SOX5: variants seen among roughly 807,000 people sequenced by gnomAD.
SOX5 encodes transcription factor SOX-5.
Under a neutral mutation model 92.0 loss-of-function variants are expected in SOX5, and 9 were observed. That is an observed-to-expected ratio of 0.10 (90% CI 0.06 to 0.17). The LOEUF is 0.17. SOX5 is among the 10% of genes least tolerant of loss of function. The pLI is 1.00. For missense variants in SOX5, 642 were observed against 944.5 expected, an observed-to-expected ratio of 0.68 and a Z score of 4.20; for synonymous variants, 344 against 336.3, an observed-to-expected ratio of 1.02 and a Z score of -0.25.
chr12:24,105,275 T>C (rs1946545043), intron 4 of SOX5, among the ~76,000 whole-genome samples: 1 of 152,116 alleles, frequency 6.6e-6, no homozygotes, highest in African/African-American at 2.4e-5. Context: ...GCACGGTGGC[T>C]CACGCCTGTA....
chr12:24,174,929 G>C (rs1275898060), intron 4 of SOX5, among the ~76,000 whole-genome samples: 1 of 152,270 alleles, frequency 6.6e-6, no homozygotes, highest in South Asian at 2.1e-4. Flanking sequence ...AAACAGGAAG[G>C]GGGTACCTTG....
intron 1 of SOX5, among the ~76,000 whole-genome samples, chr12:24,547,261 GGCTCAATGCAAGCTCC>G (rs1248065479): frequency 2.0e-5 from 3 of 146,566 alleles, no homozygotes; most frequent in African/African-American, 7.6e-5. Context: ...GCGCAATCTC[GGCTCAATGCAAGCTCC>G]GCTTCCCGGG....
chr12:23,637,501 A>G (rs2079418121), intron 8 of SOX5, among the ~76,000 whole-genome samples: 1 of 151,894 alleles, frequency 6.6e-6, no homozygotes, highest in Non-Finnish European at 1.5e-5. Flanking sequence ...ACTGTCTCAC[A>G]CCTCTCTCTC....
chr12:23,750,301 C>T (rs576350316), intron 4 of SOX5, among the ~76,000 whole-genome samples: 19 of 151,916 alleles, frequency 1.3e-4, no homozygotes, highest in South Asian at 6.2e-4. Flanking sequence ...AAGATGTTTA[C>T]GCAGTGCCTG....
intron 4 of SOX5, among the ~76,000 whole-genome samples, chr12:24,185,572 G>C (rs1565611559): frequency 6.6e-6 from 1 of 152,096 alleles, no homozygotes; most frequent in Non-Finnish European, 1.5e-5. Context: ...AAATCATCTT[G>C]ACAATGAGGG....
At chr12:24,131,935 C>G (rs1206745897) in intron 4 of SOX5, among the ~76,000 whole-genome samples, 1 of 152,020 alleles carries the variant, frequency 6.6e-6, no homozygotes. Context: ...TTTTTTATCT[C>G]TCATGTCAGG....
intron 7 of SOX5, among the ~76,000 whole-genome samples, chr12:23,653,860 T>C (rs1240242391): frequency 6.6e-6 from 1 of 152,054 alleles, no homozygotes; most frequent in African/African-American, 2.4e-5. Flanking sequence ...ACTAAGAGCA[T>C]CCTAAAGGGA....
chr12:24,559,441 T>C (rs947969144), intron 1 of SOX5, among the ~76,000 whole-genome samples: 2 of 152,170 alleles, frequency 1.3e-5, no homozygotes, highest in East Asian at 1.9e-4. Context: ...TTAGGAAACA[T>C]AAATTTTGTC....
chr12:24,200,048 A>G (rs954216792), intron 4 of SOX5, among the ~76,000 whole-genome samples: 6 of 152,226 alleles, frequency 3.9e-5, no homozygotes, highest in Admixed American at 1.3e-4. Flanking sequence ...GATTGAATGA[A>G]CCCACTCCTT....
At chr12:24,110,062 A>C (rs1262527323) in intron 4 of SOX5, among the ~76,000 whole-genome samples, 1 of 152,154 alleles carries the variant, frequency 6.6e-6, no homozygotes, top group Non-Finnish European at 1.5e-5. Context: ...ACTTTAAAAA[A>C]CAACTTACAA....
chr12:24,107,806 T>C (rs1259307732), intron 4 of SOX5, among the ~76,000 whole-genome samples: 2 of 152,194 alleles, frequency 1.3e-5, no homozygotes, highest in African/African-American at 4.8e-5. Context: ...TACCTGCATC[T>C]GTTCCTTAAT....
chr12:23,690,652 T>C (rs1292429660), intron 6 of SOX5, among the ~76,000 whole-genome samples: 1 of 152,196 alleles, frequency 6.6e-6, no homozygotes, highest in Non-Finnish European at 1.5e-5. Context: ...AGCAACATCC[T>C]ATCCAGAGTA....
chr12:23,570,930 AATATATATATATAT>A (rs1164831816), intron 10 of SOX5, among the ~76,000 whole-genome samples: 505 of 19,520 alleles, frequency 0.026, 6 homozygotes, highest in South Asian at 0.036. Flanking sequence ...AAAAAAAAAA[AATATATATATATAT>A]ATATATATAT....
chr12:24,453,819 G>A (rs1201068329), intron 1 of SOX5, among the ~76,000 whole-genome samples: 1 of 152,146 alleles, frequency 6.6e-6, no homozygotes, highest in African/African-American at 2.4e-5. Context: ...GCAGTACCAA[G>A]GCATGCTTTA....
intron 4 of SOX5, among the ~76,000 whole-genome samples, chr12:24,175,473 T>C (rs12298760): frequency 0.052 from 7,942 of 152,294 alleles, 220 homozygotes; most frequent in African/African-American, 0.075. Context: ...GTAAGCACAG[T>C]GCATGCACGC....
At chr12:24,164,918 G>T (rs1953214638) in intron 4 of SOX5, among the ~76,000 whole-genome samples, 1 of 151,958 alleles carries the variant, frequency 6.6e-6, no homozygotes, top group South Asian at 2.1e-4. Flanking sequence ...TTACAAGAAG[G>T]TATCTTTGAA....
Position 24,044,263 on chromosome 12 carries a change from G to A in SOX5, c.-1-148239C>T, listed in dbSNP as rs74659668. On this transcript the variant is annotated intron_variant, in intron 4 of 4. Transcript: ENST00000446891. ...AAGATGAAGGACATAATGCCTCAGC[G>A]GAGAAGCTTAGTGTAGCAGGTAAGT... is the stretch of plus-strand genomic sequence containing the variant. 6.3e-3 allele frequency among the ~76,000 whole-genome samples: 941 copies of A among 149,686 alleles called. 11 individuals carry two copies. The highest frequency in any genetic ancestry group is 0.034 in the South Asian group (161 of 4,682).
At chr12:24,149,106 T>C (rs1480390772) in intron 4 of SOX5, among the ~76,000 whole-genome samples, 1 of 152,046 alleles carries the variant, frequency 6.6e-6, no homozygotes, top group Non-Finnish European at 1.5e-5. Context: ...GACCTAAATA[T>C]AAACCCTAAA....
chr12:23,974,588 TCAAA>T (rs1948704379), intron 4 of SOX5, among the ~76,000 whole-genome samples: 1 of 152,194 alleles, frequency 6.6e-6, no homozygotes, highest in Non-Finnish European at 1.5e-5. Context: ...GTATCTTCCT[TCAAA>T]CAGTTAGGTG....
Sources: allele counts gnomAD v4.1 joint callset (sites outside exome capture counted in the v4.1 genomes callset), GRCh38; gene constraint gnomAD v4.1.1; transcripts MANE v1.5; gene names NCBI Gene and HGNC (gene_info 2026-07-23, HGNC 2026-07-21).